Variants in SETD1A observed in about 807,000 individuals in gnomAD.
The protein encoded by SETD1A is histone-lysine N-methyltransferase SETD1A.
In SETD1A, 29 loss-of-function variants were observed where a neutral mutation model predicts 149.9. That is an observed-to-expected ratio of 0.19 (90% CI 0.14 to 0.26). The LOEUF is 0.26. Among genes scored for constraint, SETD1A ranks in the 10% least tolerant of loss-of-function variants. SETD1A has a pLI of 1.00. For missense variants in SETD1A, 2,109 were observed against 2,353.1 expected, an observed-to-expected ratio of 0.90 and a Z score of 2.15; for synonymous variants, 1,141 against 968.5, an observed-to-expected ratio of 1.18 and a Z score of -3.31.
At position 30,979,315 on chromosome 16, in the gene SETD1A, C is replaced by T. The variant is rs2056330366; in HGVS notation, c.3529C>T (p.Pro1177Ser). ...CTCCTTCTCTGCCATCGAGGTGGTG[C>T]CAGCCCCGGAGCCCCCTCCAGCCAC... ...TVSFSAIEVV[P>S]APEPPPATPP... The change falls in exon 14 of 19, where the codon CCA becomes TCA. Residue 1177 changes from proline to serine, a missense_variant. Pro to Ser is a moderately conservative substitution (Grantham distance 74). Coordinates refer to ENST00000262519, the MANE Select transcript of SETD1A (RefSeq NM_014712.3). 1.2e-6 allele frequency: 2 copies of T among 1,604,730 alleles called. No individual in the cohort carries two copies. The highest frequency in any genetic ancestry group is 4.5e-5 in the East Asian group (2 of 44,186).
At chr16:30,958,998 C>T in intron 2 of SETD1A, 93 bp from the exon 3 acceptor site, 2 of 1,447,366 alleles carry the variant, frequency 1.4e-6, no homozygotes, top group Non-Finnish European at 1.9e-6. Context: ...TTGGACCCAG[C>T]TCTTCTGCAT....
chr16:30,963,485 T>A lies in SETD1A; in HGVS notation c.570T>A (p.Pro190=). The change falls in exon 5 of 19, where the codon CCT becomes CCA. Residue 190 remains proline, a synonymous_variant. Transcript: ENST00000262519. ...YELIVNGSYT[P]QTVPTGGKAL... is the part of the protein sequence containing the mutation. ...TAATTGTCAATGGCTCCTACACCCC[T>A]CAGACTGTGCCCACTGGGGGCAAGG... is the stretch of plus-strand genomic sequence containing the variant. 1 of 1,613,420 alleles carries A rather than the reference T, an allele frequency of 6.2e-7. No individual in the cohort carries two copies. The highest frequency in any genetic ancestry group is 8.5e-7 in the Non-Finnish European group (1 of 1,179,586).
chr16:30,964,475 AAC>A (rs1351826713), intron 6 of SETD1A, 135 bp from the exon 7 acceptor site: 5 of 1,452,192 alleles, frequency 3.4e-6, no homozygotes, highest in Non-Finnish European at 4.7e-6. Context: ...GTCCTCGGGG[AAC>A]ACACTAGCTA....
At position 30,963,414 on chromosome 16, in the gene SETD1A, C is replaced by A; in HGVS notation, c.518-19C>A. On this transcript the variant is annotated intron_variant, in intron 4 of 18. Coordinates refer to ENST00000262519, the MANE Select transcript of SETD1A (RefSeq NM_014712.3). ...TAGTATCTCCATCTGACAATTGGTTCCCATTTCCCTCCCTCCAGGACAACA... is the reference window on the plus strand; with the variant it reads ...TAGTATCTCCATCTGACAATTGGTTACCATTTCCCTCCCTCCAGGACAACA... 6.3e-7 allele frequency: 1 copy of A among 1,584,114 alleles called. No individual in the cohort carries two copies. Among genetic ancestry groups the A allele is most frequent in the South Asian group, 1.1e-5 (1 of 87,318 alleles).
At position 30,965,383 on chromosome 16, in the gene SETD1A, T is replaced by G. The variant is rs1215850645; in HGVS notation, c.1641T>G (p.Asn547Lys). 2 of 1,607,350 alleles carry G rather than the reference T, an allele frequency of 1.2e-6. No individual in the cohort carries two copies. Among genetic ancestry groups the G allele is most frequent in the Middle Eastern group, 1.7e-4 (1 of 6,022 alleles). Residue 547 changes from asparagine to lysine, a missense_variant, in exon 7 of 19, where the codon AAT becomes AAG. This residue lies in a region of SETD1A where 431 missense variants were observed against 388.6 expected (regional missense o/e 1.11). Coordinates refer to ENST00000262519, the MANE Select transcript of SETD1A (RefSeq NM_014712.3). ...GPCTPPPAPA[N>K]FEDVAPTGSG... ...GCACACCCCCTCCGGCCCCAGCTAA[T>G]TTTGAGGATGTGGCACCTACAGGGA...
At position 30,971,310 on chromosome 16, in the gene SETD1A, G is replaced by A. The variant is rs560119025; in HGVS notation, c.3017-68G>A. 7.4e-6 allele frequency: 11 copies of A among 1,479,430 alleles called. No individual in the cohort carries two copies. In the East Asian group the frequency reaches 2.3e-4, roughly 31 times the overall value. 91.6% of individuals were successfully genotyped at this position (1,479,430 alleles called of 1,614,324 possible). Reference sequence around the variant, plus strand: ...GCCCAGCATCCACAGCAGGGAGTGAGTGAGGAGCCCACGGCTGGCCAAGTG... The same window carrying A: ...GCCCAGCATCCACAGCAGGGAGTGAATGAGGAGCCCACGGCTGGCCAAGTG... On this transcript the variant is annotated intron_variant, in intron 12 of 18. Transcript: ENST00000262519.
rs1247174496 is a variant in SETD1A at position 30,958,931 on chromosome 16, C to T, written c.150+50C>T. On this transcript the variant is annotated intron_variant, in intron 2 of 18. Transcript: ENST00000262519. The stretch of plus-strand genomic sequence containing the variant: ...CATCCGGGGAGCTCCAGGCGCCCGT[C>T]CTCTGTGATTCTGTTCAGCACCTAG... 6 of 1,606,260 alleles carry T rather than the reference C, an allele frequency of 3.7e-6. No homozygotes were observed. In the African/African-American group the frequency reaches 5.4e-5, roughly 14 times the overall value.
chr16:30,965,683 C>A lies in SETD1A; in HGVS notation c.1802C>A (p.Pro601His). ...GGSPPPAPTPPQQPPPPPPPP... is the reference protein window; with the variant it reads ...GGSPPPAPTPHQQPPPPPPPP... ...TCACCCCCTCCGGCCCCGACGCCCC[C>A]TCAGCAGCCTCCGCCACCTCCCCCT... Residue 601 changes from proline to histidine, a missense_variant, in exon 8 of 19, where the codon CCT becomes CAT. Physicochemically the swap from Pro to His is moderately conservative, Grantham distance 77. This residue lies in a region of SETD1A where 431 missense variants were observed against 388.6 expected (regional missense o/e 1.11). Coordinates refer to ENST00000262519, the MANE Select transcript of SETD1A (RefSeq NM_014712.3). The A allele has an allele frequency of 6.2e-7, 1 of 1,607,580 alleles. No homozygotes were observed. Among genetic ancestry groups the A allele is most frequent in the Non-Finnish European group, 8.5e-7 (1 of 1,177,220 alleles).
chr16:30,971,085 G>A (rs2056217892), intron 12 of SETD1A, among the ~76,000 whole-genome samples: 1 of 152,188 alleles, frequency 6.6e-6, no homozygotes, highest in Admixed American at 6.5e-5. Context: ...ACATCCCTGT[G>A]CAGTCCCCAT....
chr16:30,959,843 G>A (rs895258519), intron 3 of SETD1A, among the ~76,000 whole-genome samples: 1 of 151,162 alleles, frequency 6.6e-6, no homozygotes, highest in Non-Finnish European at 1.5e-5. Flanking sequence ...TGACTTCCAA[G>A]TATCTGTTTC....
rs141686467 is a variant in SETD1A at position 30,980,807 on chromosome 16, C to G, written c.4650C>G (p.Ser1550=). The change falls in exon 16 of 19, where the codon TCC becomes TCG. Residue 1550 remains serine (S), a synonymous_variant. Coordinates refer to ENST00000262519, the MANE Select transcript of SETD1A (RefSeq NM_014712.3). This position sits in a 1 kb window ranked among gnomAD's most constrained non-coding sequence, Gnocchi z 7.7. ...GGCTGCTGAGCGCCATCGGTACCTC[C>G]GCCATCATGGACAGTGACCTGCTGA... ...QRRLLSAIGT[S]AIMDSDLLKL... 43 of 1,612,928 alleles carry G rather than the reference C, an allele frequency of 2.7e-5. No individual in the cohort carries two copies. The highest frequency in any genetic ancestry group is 3.6e-5 in the Non-Finnish European group (42 of 1,179,910).
chr16:30,971,043 A>G (rs2056217373), intron 12 of SETD1A, among the ~76,000 whole-genome samples: 1 of 152,110 alleles, frequency 6.6e-6, no homozygotes, highest in Non-Finnish European at 1.5e-5. Context: ...CCTGCTTCCC[A>G]GTCTCCAAGC....
rs757921056 is a variant in SETD1A at position 30,964,603 on chromosome 16, C to T, written c.870-9C>T. 9 of 1,608,664 alleles carry T rather than the reference C, an allele frequency of 5.6e-6. No homozygotes were observed. Among genetic ancestry groups the T allele is most frequent in the South Asian group, 5.5e-5 (5 of 90,472 alleles). On this transcript the variant is annotated splice_polypyrimidine_tract_variant and intron_variant, in intron 6 of 18. Coordinates refer to ENST00000262519, the MANE Select transcript of SETD1A (RefSeq NM_014712.3). The stretch of plus-strand genomic sequence containing the variant: ...CTGAGTCCAGCTAACTCCCCTGCTT[C>T]TTCTCCAGCACCACTTCAACCTCCT...
chr16:30,984,045 A>C lies in SETD1A; in HGVS notation c.*22A>C. On this transcript the variant is annotated 3_prime_UTR_variant, in exon 19 of 19. Coordinates refer to ENST00000262519, the MANE Select transcript of SETD1A (RefSeq NM_014712.3). The stretch of plus-strand genomic sequence containing the variant: ...CTGAGGTGGGGCAGGATGGGTGCCC[A>C]CACCCCTATTTATTCCCCCTGGTGC... 6.3e-7 allele frequency: 1 copy of C among 1,599,046 alleles called. No individual in the cohort carries two copies. The highest frequency in any genetic ancestry group is 8.5e-7 in the Non-Finnish European group (1 of 1,170,884).
rs563000440 is a variant in SETD1A, at chr16:30,960,708, GTGTACATTTCT to G, written c.247-557_247-547del. Among the ~76,000 whole-genome samples, 1,071 of 141,508 alleles carry G rather than the reference GTGTACATTTCT, an allele frequency of 7.6e-3. 68 individuals carry two copies. The highest frequency in any genetic ancestry group is 0.023 in the Middle Eastern group (6 of 260). The allele number at this position is 141,508 out of a possible 152,430, so 92.8% of individuals were successfully genotyped here. A position where few individuals can be genotyped will look rare whatever the true frequency, so the allele number is the denominator to read the frequency against. ...TCTCCACGTATATTTATTCCTCAGT[GTGTACATTTCT>G]TTCTTTCTTTCTTTTTTTTTTTTTT... On this transcript the variant is annotated intron_variant, in intron 3 of 18. Coordinates refer to ENST00000262519, the MANE Select transcript of SETD1A (RefSeq NM_014712.3).
In SETD1A at chr16:30,967,562, C is replaced by T; in HGVS notation, c.2744C>T (p.Ser915Phe). ...EASEEKRPRPSTPAEEDEDDP... is the reference protein window; with the variant it reads ...EASEEKRPRPFTPAEEDEDDP... ...AGTGAGGAAAAGAGGCCTCGTCCCT[C>T]CACTCCTGCTGAGGAAGATGAAGAC... Residue 915 changes from serine (S) to phenylalanine (F), a missense_variant, in exon 10 of 19, where the codon TCC becomes TTC. This residue lies in a region of SETD1A where 832 missense variants were observed against 815.6 expected (regional missense o/e 1.02). Transcript: ENST00000262519. The T allele has an allele frequency of 6.2e-7, 1 of 1,613,992 alleles. No individual in the cohort carries two copies. Among genetic ancestry groups the T allele is most frequent in the South Asian group, 1.1e-5 (1 of 91,076 alleles).
chr16:30,958,694 G>T, intron 1 of SETD1A, 23 bp from the exon 2 acceptor site: 1 of 1,609,536 alleles, frequency 6.2e-7, no homozygotes, highest in Non-Finnish European at 8.5e-7. Flanking sequence ...GATCCTTCTT[G>T]CGTGTCCCTC....
At position 30,979,349 on chromosome 16, in the gene SETD1A, A is replaced by T. The variant is rs1304874614; in HGVS notation, c.3563A>T (p.Gln1188Leu). Residue 1188 changes from glutamine (Q) to leucine (L), a missense_variant, in exon 14 of 19, where the codon CAG (glutamine) becomes CTG (leucine). Around this residue, in one of 8 missense-constraint regions of SETD1A, gnomAD observed 832 missense variants for 815.6 expected, o/e 1.02. Coordinates refer to ENST00000262519, the MANE Select transcript of SETD1A (RefSeq NM_014712.3). Reference sequence around the variant, plus strand: ...GAGCCCCCTCCAGCCACACCGCCGCAGGCCAAGTTTCCCGGCCCAGCCTCC... The same window carrying T: ...GAGCCCCCTCCAGCCACACCGCCGCTGGCCAAGTTTCCCGGCCCAGCCTCC... Reference protein sequence around the residue: ...APEPPPATPPQAKFPGPASRK... With the variant: ...APEPPPATPPLAKFPGPASRK... 1 of 1,612,356 alleles carries T rather than the reference A, an allele frequency of 6.2e-7. No homozygotes were observed. The highest frequency in any genetic ancestry group is 1.7e-4 in the Middle Eastern group (1 of 6,042).
Position 30,964,699 on chromosome 16 carries a change from C to T in SETD1A, c.957C>T (p.Ala319=). Residue 319 remains alanine (A), a synonymous_variant, in exon 7 of 19, where the codon GCC becomes GCT. Transcript: ENST00000262519. Reference sequence around the variant, plus strand: ...GCCGCCACTTCTCTGCATCTTCAGCCTCCACAACCGCCTCCACGGCCATCG... The same window carrying T: ...GCCGCCACTTCTCTGCATCTTCAGCTTCCACAACCGCCTCCACGGCCATCG... ...FSRRHFSASS[A]STTASTAIAA... is the part of the protein sequence containing the mutation. 4 of 1,614,168 alleles carry T rather than the reference C, an allele frequency of 2.5e-6. No homozygotes were observed. The highest frequency in any genetic ancestry group is 2.5e-6 in the Non-Finnish European group (3 of 1,180,038).
Sources: gnomAD v4.1 joint callset for allele counts (sites outside exome capture counted in the v4.1 genomes callset) on GRCh38, gnomAD v4.1.1 for gene constraint, gnomAD v4.1.1 regional missense constraint, Gnocchi (gnomAD v3.1) non-coding constraint, MANE v1.5 for transcripts, NCBI Gene and HGNC (gene_info 2026-07-23, HGNC 2026-07-21) for gene names.